The following SLC24A3 variants were observed in gnomAD, a reference collection of about 807,000 sequenced individuals.
The protein encoded by SLC24A3 is solute carrier family 24 member 3.
A neutral mutation model predicts 75.8 loss-of-function variants in SLC24A3; 28 were observed. The ratio of observed to expected loss-of-function variants is 0.37; its 90% CI spans 0.27 to 0.51. The LOEUF is 0.51. SLC24A3 is among the 20% of genes least tolerant of loss of function. SLC24A3 has a pLI of 0.94. For synonymous variants in SLC24A3, 372 were observed against 334.1 expected, an observed-to-expected ratio of 1.11 and a Z score of -1.24; for missense variants, 663 against 847.8, an observed-to-expected ratio of 0.78 and a Z score of 2.71.
chr20:19,539,917 T>G (rs2030466170), intron 3 of SLC24A3, among the ~76,000 whole-genome samples: 1 of 152,068 alleles, frequency 6.6e-6, no homozygotes, highest in South Asian at 2.1e-4. Context: ...CTGACTTGGA[T>G]TTTTTCCACC....
At chr20:19,531,813 C>T (rs899535455) in intron 3 of SLC24A3, among the ~76,000 whole-genome samples, 3 of 152,194 alleles carry the variant, frequency 2.0e-5, no homozygotes, top group African/African-American at 7.2e-5. Flanking sequence ...AGCAGCTTTC[C>T]AAGCCCCCGC....
chr20:19,395,007 G>A (rs139996270), intron 2 of SLC24A3, among the ~76,000 whole-genome samples: 83 of 152,300 alleles, frequency 5.4e-4, no homozygotes, highest in African/African-American at 1.9e-3. Context: ...AAAATGTGGC[G>A]TATACATACA....
At chr20:19,461,513 T>C (rs1987672639) in intron 2 of SLC24A3, among the ~76,000 whole-genome samples, 1 of 148,248 alleles carries the variant, frequency 6.7e-6, no homozygotes, top group African/African-American at 2.5e-5. Context: ...CTACGTCCTT[T>C]TCTTTTCTTT....
At chr20:19,372,220 C>T (rs1048550650) in intron 2 of SLC24A3, among the ~76,000 whole-genome samples, 1 of 152,132 alleles carries the variant, frequency 6.6e-6, no homozygotes, top group Non-Finnish European at 1.5e-5. Context: ...GTCCAGAATT[C>T]CTCATGTGCT....
intron 2 of SLC24A3, among the ~76,000 whole-genome samples, chr20:19,478,693 G>C (rs1568629539): frequency 6.6e-6 from 1 of 152,172 alleles, no homozygotes; most frequent in African/African-American, 2.4e-5. Flanking sequence ...GAGCTTTTAT[G>C]CTGTAAAAGA....
intron 3 of SLC24A3, among the ~76,000 whole-genome samples, chr20:19,534,093 A>G (rs533880319): frequency 5.3e-5 from 8 of 152,370 alleles, no homozygotes; most frequent in African/African-American, 1.9e-4. Context: ...TAATTACAGA[A>G]TCCCCACATA....
intron 6 of SLC24A3, among the ~76,000 whole-genome samples, chr20:19,620,579 T>C (rs909819466): frequency 2.0e-5 from 3 of 152,204 alleles, no homozygotes; most frequent in African/African-American, 7.2e-5. Context: ...ACACCAGTTG[T>C]CCTAGCTGTC....
chr20:19,693,521 A>G (rs1370447476), intron 13 of SLC24A3, 96 bp downstream of exon 13: 1 of 1,457,004 alleles, frequency 6.9e-7, no homozygotes, highest in African/African-American at 1.4e-5. Context: ...TGTACTAGTC[A>G]GCTATTGCTA....
At chr20:19,490,269 T>A (rs1351654452) in intron 2 of SLC24A3, among the ~76,000 whole-genome samples, 1 of 152,128 alleles carries the variant, frequency 6.6e-6, no homozygotes, top group East Asian at 1.9e-4. Flanking sequence ...CCCTAGGGAA[T>A]TGAAAAAATG....
chr20:19,325,638 G>A (rs999563312), intron 2 of SLC24A3, among the ~76,000 whole-genome samples: 1 of 151,390 alleles, frequency 6.6e-6, no homozygotes, highest in African/African-American at 2.4e-5. Context: ...TTCCTTGTCT[G>A]AAGTACTTCA....
At chr20:19,600,245 G>A (rs1004570881) in intron 6 of SLC24A3, among the ~76,000 whole-genome samples, 15 of 152,124 alleles carry the variant, frequency 9.9e-5, no homozygotes, top group Non-Finnish European at 1.0e-4. Context: ...CCCATTAGGA[G>A]GCGCCATTTC....
intron 3 of SLC24A3, among the ~76,000 whole-genome samples, chr20:19,543,822 C>G (rs191926307): frequency 6.6e-6 from 1 of 152,196 alleles, no homozygotes; most frequent in Admixed American, 6.5e-5. Flanking sequence ...ACACAAGAAT[C>G]CAGTCCTGCC....
intron 3 of SLC24A3, among the ~76,000 whole-genome samples, chr20:19,532,019 G>A (rs768281): frequency 0.12 from 18,665 of 152,222 alleles, 1,292 homozygotes; most frequent in East Asian, 0.17. Flanking sequence ...TGGTGGAACT[G>A]GGGGTTGACT....
At chr20:19,384,063 A>G (rs1419149527) in intron 2 of SLC24A3, among the ~76,000 whole-genome samples, 1 of 152,202 alleles carries the variant, frequency 6.6e-6, no homozygotes, top group African/African-American at 2.4e-5. Context: ...AAACAAAATT[A>G]TATATGTTTA....
intron 3 of SLC24A3, among the ~76,000 whole-genome samples, chr20:19,521,997 C>T (rs890328673): frequency 1.3e-5 from 2 of 152,120 alleles, no homozygotes; most frequent in African/African-American, 4.8e-5. Flanking sequence ...ATTTGTAGGC[C>T]ATCAGTGTCT....
Position 19,721,253 on chromosome 20 carries a change from G to GTCC in SLC24A3, c.*116_*118dup. The GTCC allele has an allele frequency of 1.5e-6, 2 of 1,364,636 alleles. No individual in the cohort carries two copies. The highest frequency in any genetic ancestry group is 2.0e-6 in the Non-Finnish European group (2 of 999,118). 84.5% of individuals were successfully genotyped at this position (1,364,636 alleles called of 1,614,324 possible). A position where few individuals can be genotyped will look rare whatever the true frequency, so the allele number is the denominator to read the frequency against. On this transcript the variant is annotated 3_prime_UTR_variant, in exon 17 of 17. Coordinates refer to ENST00000328041, the MANE Select transcript of SLC24A3 (RefSeq NM_020689.4). ...CCACGGCGTTCGTCTCTCCTGTGCT[G>GTCC]TCCTCAGGCCTCCGCTCCTGTTTTG...
intron 2 of SLC24A3, among the ~76,000 whole-genome samples, chr20:19,478,421 G>A (rs1047586231): frequency 1.3e-5 from 2 of 152,132 alleles, no homozygotes; most frequent in Admixed American, 6.5e-5. Flanking sequence ...ATTTGACATA[G>A]AGTATATCCT....
chr20:19,456,370 C>T (rs551388749), intron 2 of SLC24A3, among the ~76,000 whole-genome samples: 3 of 152,216 alleles, frequency 2.0e-5, no homozygotes, highest in Admixed American at 6.5e-5. Flanking sequence ...ATACTGTTCT[C>T]GTGGTAGTGA....
chr20:19,386,074 G>A (rs938172415), intron 2 of SLC24A3, among the ~76,000 whole-genome samples: 10 of 152,184 alleles, frequency 6.6e-5, no homozygotes, highest in African/African-American at 2.4e-4. Flanking sequence ...TTCCATTTAT[G>A]TGTGTATTTT....
Sources: gnomAD v4.1 joint callset for allele counts (sites outside exome capture counted in the v4.1 genomes callset) on GRCh38, gnomAD v4.1.1 for gene constraint, MANE v1.5 for transcripts, NCBI Gene and HGNC (gene_info 2026-07-23, HGNC 2026-07-21) for gene names.